The following SHC3 variants were observed in gnomAD, a reference collection of about 807,000 sequenced individuals.
The protein encoded by SHC3 is SHC adaptor protein 3, also known as SHC-transforming protein 3.
Under a neutral mutation model 60.4 loss-of-function variants are expected in SHC3, and 15 were observed. The ratio of observed to expected loss-of-function variants is 0.25; its 90% CI spans 0.17 to 0.38. The LOEUF is 0.38. Ranked by LOEUF, SHC3 falls within the 10% of genes least tolerant of loss-of-function variation. SHC3 has a pLI of 1.00. For synonymous variants in SHC3, 294 were observed against 325.9 expected (o/e 0.90, Z 1.05); for missense variants, 677 against 786.1 (o/e 0.86, Z 1.66).
At position 89,021,600 on chromosome 9, in the gene SHC3, C is replaced by T. The variant is rs536166749; in HGVS notation, c.1657-8025G>A. On this transcript the variant is annotated intron_variant, in intron 11 of 11. Coordinates refer to ENST00000375835, the MANE Select transcript of SHC3 (RefSeq NM_016848.6). ...CGCAGGAAAGTGAGCAGTGGCTCTC[C>T]CTGAACCCTGCCTGGATGCCAGGGC... is the stretch of plus-strand genomic sequence containing the variant. Among the ~76,000 whole-genome samples, 57 of 152,296 alleles carry T rather than the reference C, an allele frequency of 3.7e-4. 1 individual carries two copies. The highest frequency in any genetic ancestry group is 6.8e-4 in the Non-Finnish European group (46 of 68,036).
intron 2 of SHC3, among the ~76,000 whole-genome samples, chr9:89,098,213 G>C (rs944432969): frequency 6.6e-6 from 1 of 152,156 alleles, no homozygotes; most frequent in Non-Finnish European, 1.5e-5. Flanking sequence ...ACAAAGAAAG[G>C]CTAAAGAACT....
intron 11 of SHC3, among the ~76,000 whole-genome samples, chr9:89,032,728 G>A (rs1233120868): frequency 2.6e-5 from 4 of 152,146 alleles, no homozygotes; most frequent in African/African-American, 4.8e-5. Flanking sequence ...AAGGCACAAA[G>A]GTTAGTATAC....
intron 1 of SHC3, among the ~76,000 whole-genome samples, chr9:89,120,494 G>C (rs1298328430): frequency 6.6e-6 from 1 of 152,112 alleles, no homozygotes; most frequent in Non-Finnish European, 1.5e-5. Context: ...AATTAACACT[G>C]AAAAAGATAC....
intron 2 of SHC3, among the ~76,000 whole-genome samples, chr9:89,087,413 C>G (rs1003446151): frequency 3.9e-5 from 6 of 152,066 alleles, no homozygotes; most frequent in African/African-American, 1.4e-4. Flanking sequence ...CTTTCCCCTC[C>G]CCTCACCAAG....
chr9:89,166,996 T>A (rs897752653), intron 1 of SHC3, among the ~76,000 whole-genome samples: 1 of 152,148 alleles, frequency 6.6e-6, no homozygotes, highest in Non-Finnish European at 1.5e-5. Context: ...CGTCTCCCAG[T>A]GGCAGCAGGG....
chr9:89,101,237 T>C (rs995695779), intron 2 of SHC3, among the ~76,000 whole-genome samples: 2 of 152,214 alleles, frequency 1.3e-5, no homozygotes, highest in Admixed American at 6.5e-5. Context: ...AGAAATGCAA[T>C]TGATATTTGT....
At chr9:89,017,055 G>C (rs182086969) in intron 11 of SHC3, among the ~76,000 whole-genome samples, 10 of 152,272 alleles carry the variant, frequency 6.6e-5, no homozygotes, top group Non-Finnish European at 1.3e-4. Context: ...TCGATATCGT[G>C]AAAATGGCCA....
chr9:89,096,161 G>T (rs971327119), intron 2 of SHC3, among the ~76,000 whole-genome samples: 8 of 152,196 alleles, frequency 5.3e-5, no homozygotes, highest in African/African-American at 1.9e-4. Flanking sequence ...CATGAGAGAG[G>T]CTTGTTCAGA....
At chr9:89,087,946 C>T (rs1356104987) in intron 2 of SHC3, among the ~76,000 whole-genome samples, 2 of 152,302 alleles carry the variant, frequency 1.3e-5, no homozygotes, top group South Asian at 2.1e-4. Context: ...AAGTATTTTA[C>T]CTCAAATTAC....
Position 89,112,615 on chromosome 9 carries a change from G to A in SHC3, c.486C>T (p.Cys162=), listed in dbSNP as rs1825966198. The part of the protein sequence containing the change: ...GVTYVVKYLG[C]IEVLRSMRSL... ...ACCTCATTGAGCGCAGAACTTCAAT[G>A]CACCCCAAGTACTGCAAGGGGAAAA... Residue 162 remains cysteine (C), a synonymous_variant, in exon 2 of 12, where the codon TGC becomes TGT. Coordinates refer to ENST00000375835, the MANE Select transcript of SHC3 (RefSeq NM_016848.6). 5.0e-6 allele frequency: 8 copies of A among 1,593,916 alleles called. No homozygotes were observed. The East Asian group carries it at 1.8e-4, about 37-fold the overall frequency.
Position 89,007,297 on chromosome 9 carries a change from C to T in SHC3, c.*6150G>A, listed in dbSNP as rs1391325544. On this transcript the variant is annotated 3_prime_UTR_variant, in exon 12 of 12. Transcript: ENST00000375835. Reference sequence around the variant, plus strand: ...CACTCAGTATCTGACGCCTGCAGTGCGAAGCCTCCAGAGTCCCCAGACTGA... The same window carrying T: ...CACTCAGTATCTGACGCCTGCAGTGTGAAGCCTCCAGAGTCCCCAGACTGA... 3 of 152,350 alleles carry T rather than the reference C, an allele frequency of 2.0e-5. No homozygotes were observed. Among genetic ancestry groups the T allele is most frequent in the South Asian group, 2.1e-4 (1 of 4,838 alleles). 9.4% of individuals were successfully genotyped at this position (152,350 alleles called of 1,614,324 possible). A position where few individuals can be genotyped will look rare whatever the true frequency, so the allele number is the denominator to read the frequency against.
At chr9:89,091,325 C>G (rs1035045403) in intron 2 of SHC3, among the ~76,000 whole-genome samples, 1 of 152,184 alleles carries the variant, frequency 6.6e-6, no homozygotes, top group African/African-American at 2.4e-5. Context: ...ACAAATGCAT[C>G]AGCAGAAAAC....
chr9:89,086,565 C>T (rs1587718730), intron 2 of SHC3, among the ~76,000 whole-genome samples: 1 of 152,180 alleles, frequency 6.6e-6, no homozygotes, highest in African/African-American at 2.4e-5. Context: ...TCACTGAACC[C>T]AGTCTTGCTG....
chr9:89,112,658 C>T (rs1191113500), intron 1 of SHC3, 32 bp from the exon 2 acceptor site: 1 of 1,559,166 alleles, frequency 6.4e-7, no homozygotes, highest in Non-Finnish European at 8.6e-7. Context: ...ATCGTGAGCC[C>T]TGAGATTTGA....
Position 89,011,150 on chromosome 9 carries a change from T to C in SHC3, c.*2297A>G, listed in dbSNP as rs1241585734. ...TATATAATCTGAGCTTAAAAATGTATATTTTGAATTAATATTAAAAAGAAA... is the reference window on the plus strand; with the variant it reads ...TATATAATCTGAGCTTAAAAATGTACATTTTGAATTAATATTAAAAAGAAA... On this transcript the variant is annotated 3_prime_UTR_variant, in exon 12 of 12. Coordinates refer to ENST00000375835, the MANE Select transcript of SHC3 (RefSeq NM_016848.6). 1 of 152,244 alleles carries C rather than the reference T, an allele frequency of 6.6e-6. No homozygotes were observed. The highest frequency in any genetic ancestry group is 1.5e-5 in the Non-Finnish European group (1 of 68,046). 9.4% of individuals were successfully genotyped at this position (152,244 alleles called of 1,614,324 possible). A position where few individuals can be genotyped will look rare whatever the true frequency, so the allele number is the denominator to read the frequency against.
chr9:89,169,921 C>T (rs1020358549), intron 1 of SHC3, among the ~76,000 whole-genome samples: 1 of 152,116 alleles, frequency 6.6e-6, no homozygotes, highest in Admixed American at 6.6e-5. Flanking sequence ...GCAAGACAGG[C>T]AGGGCTGCAA....
At chr9:89,046,113 T>C (rs766667425) in intron 8 of SHC3, among the ~76,000 whole-genome samples, 1 of 119,860 alleles carries the variant, frequency 8.3e-6, no homozygotes, top group Non-Finnish European at 1.6e-5. Flanking sequence ...TAAATCAAGC[T>C]CTTCCATATG....
At chr9:89,118,393 G>GT (rs1012749552) in intron 1 of SHC3, among the ~76,000 whole-genome samples, 1 of 151,930 alleles carries the variant, frequency 6.6e-6, no homozygotes, top group Admixed American at 6.6e-5. Flanking sequence ...AATGTAAAGT[G>GT]TTAGAGTTTA....
At chr9:89,139,209 T>G (rs1826359241) in intron 1 of SHC3, among the ~76,000 whole-genome samples, 1 of 152,174 alleles carries the variant, frequency 6.6e-6, no homozygotes, top group East Asian at 1.9e-4. Flanking sequence ...CAGTCAGAGA[T>G]TGCTGGTTGG....
Sources: allele counts gnomAD v4.1 joint callset (sites outside exome capture counted in the v4.1 genomes callset), GRCh38; gene constraint gnomAD v4.1.1; transcripts MANE v1.5; gene names NCBI Gene and HGNC (gene_info 2026-07-23, HGNC 2026-07-21).